NACC2: variants seen among roughly 807,000 people sequenced by gnomAD.
NACC2 encodes the protein NACC family member 2, also known as nucleus accumbens-associated protein 2.
A neutral mutation model predicts 25.1 loss-of-function variants in NACC2; 8 were observed. The ratio of observed to expected loss-of-function variants is 0.32; its 90% CI spans 0.19 to 0.57. The LOEUF (loss-of-function observed/expected upper bound fraction) is 0.57, where lower values mean the gene tolerates loss of function less well. Among genes scored for constraint, NACC2 ranks in the 20% least tolerant of loss-of-function variants. The pLI is 0.89. For missense variants in NACC2, 644 were observed against 650.2 expected, an observed-to-expected ratio of 0.99 and a Z score of 0.10; for synonymous variants, 435 against 294.7, an observed-to-expected ratio of 1.48 and a Z score of -4.88.
intron 2 of NACC2, among the ~76,000 whole-genome samples, chr9:136,026,814 C>T (rs746515923): frequency 6.6e-6 from 1 of 152,018 alleles, no homozygotes; most frequent in Non-Finnish European, 1.5e-5. Flanking sequence ...AAAGGAGGGA[C>T]AAGAAAGGAG....
chr9:136,012,341 C>A (rs534696613), intron 5 of NACC2, among the ~76,000 whole-genome samples: 2 of 152,368 alleles, frequency 1.3e-5, no homozygotes, highest in East Asian at 1.9e-4. Context: ...CAACGGCTAA[C>A]GGGAACTGGT....
chr9:136,024,568 G>C (rs559945813), intron 2 of NACC2, among the ~76,000 whole-genome samples: 1 of 151,428 alleles, frequency 6.6e-6, no homozygotes, highest in East Asian at 1.9e-4. Context: ...TGTAAGGACA[G>C]AGTGTGTGTG....
intron 1 of NACC2, among the ~76,000 whole-genome samples, chr9:136,088,996 C>A (rs1830408038): frequency 6.6e-6 from 1 of 152,234 alleles, no homozygotes; most frequent in Admixed American, 6.5e-5. Flanking sequence ...GCGGCTGTTA[C>A]AACACTAAGT....
chr9:136,034,078 T>C (rs1840516837), intron 2 of NACC2, among the ~76,000 whole-genome samples: 1 of 152,120 alleles, frequency 6.6e-6, no homozygotes, highest in South Asian at 2.1e-4. Context: ...TTTAAAAACA[T>C]GTACTGCCAT....
chr9:136,011,341 TA>T lies in NACC2; in HGVS notation c.*174del. ...GCCAGTGGCCTAATTGTTTACAGTA[TA>T]ATGAATGCATTTGTTTCCTTCATCA... On this transcript the variant is annotated 3_prime_UTR_variant, in exon 6 of 6. Coordinates refer to ENST00000277554, the MANE Select transcript of NACC2 (RefSeq NM_144653.5). 1.4e-6 allele frequency: 1 copy of T among 711,572 alleles called. No homozygotes were observed. Among genetic ancestry groups the T allele is most frequent in the Non-Finnish European group, 2.0e-6 (1 of 505,814 alleles). 44.1% of individuals were successfully genotyped at this position (711,572 alleles called of 1,614,324 possible).
At chr9:136,075,540 G>A (rs984247140) in intron 1 of NACC2, among the ~76,000 whole-genome samples, 2 of 152,260 alleles carry the variant, frequency 1.3e-5, no homozygotes, top group African/African-American at 4.8e-5. Context: ...CTGGGGCCAA[G>A]CCCAGGCTGT....
chr9:136,081,931 C>T (rs776115584), intron 1 of NACC2, among the ~76,000 whole-genome samples: 1 of 152,156 alleles, frequency 6.6e-6, no homozygotes, highest in Non-Finnish European at 1.5e-5. Flanking sequence ...AGCAGCACCC[C>T]GAAACCCCAG....
chr9:136,014,592 G>A (rs1391094428), intron 3 of NACC2, among the ~76,000 whole-genome samples: 1 of 152,004 alleles, frequency 6.6e-6, no homozygotes, highest in Non-Finnish European at 1.5e-5. Flanking sequence ...ACCTGGCCTA[G>A]GGAACACACT....
chr9:136,008,577 A>G lies in NACC2; in HGVS notation c.*2939T>C, dbSNP rs1439673565. 6.6e-6 allele frequency: 1 copy of G among 152,292 alleles called. No individual in the cohort carries two copies. Among genetic ancestry groups the G allele is most frequent in the Non-Finnish European group, 1.5e-5 (1 of 68,080 alleles). The allele number at this position is 152,292 out of a possible 1,614,324, so 9.4% of individuals were successfully genotyped here. A position where few individuals can be genotyped will look rare whatever the true frequency, so the allele number is the denominator to read the frequency against. On this transcript the variant is annotated 3_prime_UTR_variant, in exon 6 of 6. Transcript: ENST00000277554. ...TGAGTCAGGGTCACACTCACAGGAC[A>G]GGACAACCCCGGATTCTAGAATTAG...
rs1840036681 is a variant in NACC2, at chr9:136,007,483, ACACG to A, written c.*4029_*4032del. On this transcript the variant is annotated 3_prime_UTR_variant, in exon 6 of 6. Coordinates refer to ENST00000277554, the MANE Select transcript of NACC2 (RefSeq NM_144653.5). ...CACAGACGCACACACACAGACGCAC[ACACG>A]CACAGACACACACATGCACAGACGC... is the stretch of plus-strand genomic sequence containing the variant. The A allele has an allele frequency of 2.0e-5, 3 of 151,634 alleles. No individual in the cohort carries two copies. The highest frequency in any genetic ancestry group is 7.4e-5 in the African/African-American group (3 of 40,652). 9.4% of individuals were successfully genotyped at this position (151,634 alleles called of 1,614,324 possible). A position where few individuals can be genotyped will look rare whatever the true frequency, so the allele number is the denominator to read the frequency against.
chr9:136,054,642 T>C (rs1840898170), intron 1 of NACC2, among the ~76,000 whole-genome samples: 2 of 151,932 alleles, frequency 1.3e-5, no homozygotes, highest in South Asian at 4.2e-4. Context: ...GGGCCAAGCC[T>C]GGTTCTCAGA....
chr9:136,080,747 A>G lies in NACC2; in HGVS notation c.-60+14442T>C, dbSNP rs556872770. 2.0e-5 allele frequency among the ~76,000 whole-genome samples: 3 copies of G among 152,156 alleles called. No individual in the cohort carries two copies. The South Asian group carries it at 6.2e-4, about 32-fold the overall frequency. On this transcript the variant is annotated intron_variant, in intron 1 of 5. Coordinates refer to ENST00000277554, the MANE Select transcript of NACC2 (RefSeq NM_144653.5). ...TCTCCTCCTCTCCAGACACGTGGAGACGGGGGGCCGTGACACACACCCAGA... is the reference window on the plus strand; with the variant it reads ...TCTCCTCCTCTCCAGACACGTGGAGGCGGGGGGCCGTGACACACACCCAGA...
At chr9:136,089,120 C>T (rs1310089466) in intron 1 of NACC2, among the ~76,000 whole-genome samples, 2 of 152,198 alleles carry the variant, frequency 1.3e-5, no homozygotes, top group East Asian at 3.9e-4. Flanking sequence ...TTCAGTTACG[C>T]GGTTACGTTT....
At chr9:136,077,848 A>G (rs1218319553) in intron 1 of NACC2, among the ~76,000 whole-genome samples, 1 of 152,278 alleles carries the variant, frequency 6.6e-6, no homozygotes, top group Non-Finnish European at 1.5e-5. Flanking sequence ...AGTGATGAAT[A>G]CTGACTTGTG....
intron 1 of NACC2, among the ~76,000 whole-genome samples, chr9:136,065,195 A>G (rs1352805422): frequency 6.6e-6 from 1 of 152,232 alleles, no homozygotes; most frequent in African/African-American, 2.4e-5. Flanking sequence ...AAAAGGAAAG[A>G]ACAAACCAGA....
At position 136,086,673 on chromosome 9, in the gene NACC2, C is replaced by T. The variant is rs1588585518; in HGVS notation, c.-60+8516G>A. Among the ~76,000 whole-genome samples, 1 of 152,208 alleles carries T rather than the reference C, an allele frequency of 6.6e-6. No individual in the cohort carries two copies. Among genetic ancestry groups the T allele is most frequent in the African/African-American group, 2.4e-5 (1 of 41,444 alleles). On this transcript the variant is annotated intron_variant, in intron 1 of 5. Coordinates refer to ENST00000277554, the MANE Select transcript of NACC2 (RefSeq NM_144653.5). This position sits in a 1 kb window ranked among gnomAD's most constrained non-coding sequence, Gnocchi z 5.6. ...AATCCTGTTCCCAAACTTACATAAC[C>T]GCAGATGACAACGCCGACTCCTAGG...
Position 136,019,729 on chromosome 9 carries a change from G to A in NACC2, c.887-3300C>T, listed in dbSNP as rs911732754. 2.1e-4 allele frequency among the ~76,000 whole-genome samples: 32 copies of A among 152,112 alleles called. No homozygotes were observed. Among genetic ancestry groups the A allele is most frequent in the Non-Finnish European group, 1.0e-4 (7 of 68,010 alleles). On this transcript the variant is annotated intron_variant, in intron 2 of 5. Transcript: ENST00000277554. This position sits in a 1 kb window ranked among gnomAD's most constrained non-coding sequence, Gnocchi z 5.2. ...GCAGCCTCCCTGGACCACACGGGGC[G>A]AAGCAAACACAAGGACAAATGCTGC...
intron 2 of NACC2, among the ~76,000 whole-genome samples, chr9:136,023,853 G>A (rs1840334034): frequency 6.6e-6 from 1 of 152,230 alleles, no homozygotes; most frequent in East Asian, 1.9e-4. Flanking sequence ...GGACGACCAG[G>A]ACACTAAGGA....
intron 1 of NACC2, among the ~76,000 whole-genome samples, chr9:136,061,876 T>C (rs564559357): frequency 6.6e-6 from 1 of 152,134 alleles, no homozygotes; most frequent in East Asian, 1.9e-4. Flanking sequence ...TCCCAGCACT[T>C]TGGGAGGCCA....
Sources: allele counts gnomAD v4.1 joint callset (sites outside exome capture counted in the v4.1 genomes callset), GRCh38; gene constraint gnomAD v4.1.1; non-coding constraint Gnocchi (gnomAD v3.1); transcripts MANE v1.5; gene names NCBI Gene and HGNC (gene_info 2026-07-23, HGNC 2026-07-21).